The following MAF variants were observed in gnomAD, a reference collection of about 807,000 sequenced individuals.
The protein encoded by MAF is MAF bZIP transcription factor.
MAF carries 10 observed loss-of-function variants against 22.0 expected under a neutral mutation model. The ratio of observed to expected loss-of-function variants is 0.45; its 90% confidence interval spans 0.28 to 0.77. The LOEUF is 0.77. Ranked by LOEUF, MAF falls within the 30% of genes least tolerant of loss-of-function variation. The pLI is 0.12. For missense variants in MAF, 544 were observed against 548.4 expected (o/e 0.99, Z 0.08); for synonymous variants, 337 against 255.8 (o/e 1.32, Z -3.03).
chr16:79,368,835 C>A, the MAF span, among the ~76,000 whole-genome samples: 2 of 152,228 alleles, frequency 1.3e-5, no homozygotes, highest in Non-Finnish European at 2.9e-5. Flanking sequence ...TTCAAACCTT[C>A]CTTGACCTCT....
the MAF span, among the ~76,000 whole-genome samples, chr16:79,307,456 G>T: frequency 2.6e-5 from 4 of 152,226 alleles, no homozygotes; most frequent in Non-Finnish European, 5.9e-5. Flanking sequence ...GCAGCTTTCT[G>T]CATGATTGCA....
chr16:79,287,501 T>C, the MAF span, among the ~76,000 whole-genome samples: 1 of 152,180 alleles, frequency 6.6e-6, no homozygotes, highest in South Asian at 2.1e-4. Flanking sequence ...GGAGGCCAAG[T>C]GTTTTCCCCC....
At chr16:79,578,419 G>C in the MAF span, among the ~76,000 whole-genome samples, 1 of 152,132 alleles carries the variant, frequency 6.6e-6, no homozygotes, top group African/African-American at 2.4e-5. Context: ...TGATACTCAT[G>C]ATCAATTTCT....
the MAF span, among the ~76,000 whole-genome samples, chr16:79,267,003 G>A: frequency 1.4e-4 from 22 of 152,320 alleles, no homozygotes; most frequent in Admixed American, 2.6e-4. Flanking sequence ...GTTGTTGAAT[G>A]AATGAGTTAC....
chr16:79,492,869 G>C, the MAF span, among the ~76,000 whole-genome samples: 11 of 152,188 alleles, frequency 7.2e-5, no homozygotes, highest in Admixed American at 6.5e-4. Context: ...ATCATACTAG[G>C]AGGTTAGTGA....
the MAF span, among the ~76,000 whole-genome samples, chr16:79,221,231 G>C: frequency 2.6e-5 from 4 of 152,162 alleles, no homozygotes; most frequent in Non-Finnish European, 5.9e-5. Flanking sequence ...GTGTGGCCTA[G>C]ATTTGAAGGA....
chr16:79,277,094 G>A, the MAF span, among the ~76,000 whole-genome samples: 1 of 152,156 alleles, frequency 6.6e-6, no homozygotes, highest in Non-Finnish European at 1.5e-5. Context: ...CTGGAGAGCA[G>A]TGGTGCAATC....
chr16:79,599,591 C>A lies in MAF; in HGVS notation c.312G>T (p.Glu104Asp). 1 of 1,608,064 alleles carries A rather than the reference C, an allele frequency of 6.2e-7. No individual in the cohort carries two copies. Among genetic ancestry groups the A allele is most frequent in the African/African-American group, 1.3e-5 (1 of 74,984 alleles). Residue 104 changes from glutamate (E) to aspartate (D), a missense_variant, in exon 1 of 2, where the codon GAG becomes GAT. By Grantham distance (45) the Glu-to-Asp change is conservative (BLOSUM62 2). Transcript: ENST00000326043. The stretch of plus-strand genomic sequence containing the variant: ...CGTCCTCGGGGCTGAAGCCCAGCGC[C>A]TCGGGGTTCAGCTGCTGCGGGTAGC... ...MTGYPQQLNP[E>D]ALGFSPEDAV...
chr16:79,278,023 T>C, the MAF span, among the ~76,000 whole-genome samples: 2 of 152,340 alleles, frequency 1.3e-5, no homozygotes, highest in South Asian at 4.1e-4. Context: ...GAAAAGTGCA[T>C]TTTAATTGGT....
At chr16:79,346,641 G>C in the MAF span, among the ~76,000 whole-genome samples, 6 of 151,342 alleles carry the variant, frequency 4.0e-5, no homozygotes, top group African/African-American at 1.2e-4. Context: ...GTGAAAGTAA[G>C]TGTTGTGGTG....
the MAF span, among the ~76,000 whole-genome samples, chr16:79,498,261 T>C: frequency 6.6e-6 from 1 of 152,206 alleles, no homozygotes; most frequent in East Asian, 1.9e-4. Context: ...GTGGTCTCCA[T>C]TGCAACTTCT....
the MAF span, among the ~76,000 whole-genome samples, chr16:79,476,395 G>T: frequency 3.9e-5 from 6 of 152,206 alleles, no homozygotes; most frequent in African/African-American, 1.4e-4. Flanking sequence ...CACAGCAATA[G>T]GCAACTGATA....
the MAF span, among the ~76,000 whole-genome samples, chr16:79,580,759 C>A: frequency 6.6e-6 from 1 of 151,726 alleles, no homozygotes; most frequent in African/African-American, 2.4e-5. Flanking sequence ...AGCCTGTGCA[C>A]TTTTCATTTT....
the MAF span, among the ~76,000 whole-genome samples, chr16:79,417,362 T>C: frequency 6.6e-6 from 1 of 152,210 alleles, no homozygotes; most frequent in Non-Finnish European, 1.5e-5. Context: ...GTCTGCAACT[T>C]GGTGCCAAAC....
chr16:79,383,386 C>A, the MAF span, among the ~76,000 whole-genome samples: 1,182 of 152,016 alleles, frequency 7.8e-3, 5 homozygotes, highest in Non-Finnish European at 0.013. Context: ...AGGAAGAAAA[C>A]CAGATTTTTA....
At chr16:79,303,458 A>G in the MAF span, among the ~76,000 whole-genome samples, 340 of 152,260 alleles carry the variant, frequency 2.2e-3, 1 homozygote, top group Non-Finnish European at 2.8e-3. Context: ...CCAGGCAGCA[A>G]TTCTTCAAGA....
the MAF span, among the ~76,000 whole-genome samples, chr16:79,456,134 C>T: frequency 6.6e-6 from 1 of 152,208 alleles, no homozygotes; most frequent in Non-Finnish European, 1.5e-5. Flanking sequence ...TCTCTACCAT[C>T]TGCAATGTGC....
the MAF span, chr16:79,203,470 G>A: frequency 2.0e-5 from 3 of 151,254 alleles, no homozygotes; most frequent in East Asian, 5.8e-4. Context: ...TCCTTCCCAT[G>A]ATGTGGCCCC....
the MAF span, among the ~76,000 whole-genome samples, chr16:79,384,760 A>T: frequency 2.6e-5 from 4 of 152,278 alleles, no homozygotes; most frequent in South Asian, 4.1e-4. Flanking sequence ...CTGTCTCAAA[A>T]AAAATAAAAT....
Sources: gnomAD v4.1 joint callset for allele counts (sites outside exome capture counted in the v4.1 genomes callset) on GRCh38, gnomAD v4.1.1 for gene constraint, MANE v1.5 for transcripts, NCBI Gene and HGNC (gene_info 2026-07-23, HGNC 2026-07-21) for gene names.